The following COL26A1 variants were observed in gnomAD, a reference collection of about 807,000 sequenced individuals.
COL26A1 encodes the protein collagen alpha-1(XXVI) chain.
In COL26A1, 41 loss-of-function variants were observed where a neutral mutation model predicts 59.3. The ratio of observed to expected loss-of-function variants is 0.69; its 90% CI spans 0.54 to 0.90. The LOEUF is 0.90. COL26A1 is among the 40% of genes least tolerant of loss of function. COL26A1 has a pLI of 0.00. For missense variants in COL26A1, 612 were observed against 602.3 expected, an observed-to-expected ratio of 1.02 and a Z score of -0.17; for synonymous variants, 266 against 256.0, an observed-to-expected ratio of 1.04 and a Z score of -0.37.
At chr7:101,527,566 C>A (rs959447344) in intron 3 of COL26A1, among the ~76,000 whole-genome samples, 1 of 151,492 alleles carries the variant, frequency 6.6e-6, no homozygotes, top group African/African-American at 2.4e-5. Context: ...GATCTCTTAA[C>A]CTCGTGATCC....
At chr7:101,502,072 G>A (rs574185258) in intron 3 of COL26A1, among the ~76,000 whole-genome samples, 3 of 152,332 alleles carry the variant, frequency 2.0e-5, no homozygotes, top group Admixed American at 6.5e-5. Context: ...CTTGAAGGCC[G>A]GGTGCGGTGG....
intron 3 of COL26A1, among the ~76,000 whole-genome samples, chr7:101,463,051 C>T (rs1288336665): frequency 1.3e-5 from 2 of 152,208 alleles, no homozygotes; most frequent in African/African-American, 2.4e-5. Context: ...CAGAAGTGGG[C>T]TCATGAGAAC....
intron 1 of COL26A1, among the ~76,000 whole-genome samples, chr7:101,377,089 C>T (rs572662936): frequency 1.3e-5 from 2 of 152,282 alleles, no homozygotes; most frequent in South Asian, 2.1e-4. Context: ...AAACTCCTGA[C>T]CTCAGGTGAT....
At chr7:101,531,734 C>A (rs990078220) in intron 3 of COL26A1, among the ~76,000 whole-genome samples, 1 of 152,082 alleles carries the variant, frequency 6.6e-6, no homozygotes, top group Non-Finnish European at 1.5e-5. Context: ...CCCGTGGTTT[C>A]TCCCCAAACA....
intron 1 of COL26A1, among the ~76,000 whole-genome samples, chr7:101,372,087 G>A (rs549886349): frequency 2.4e-4 from 37 of 152,172 alleles, no homozygotes; most frequent in Non-Finnish European, 4.8e-4. Flanking sequence ...TGTGACCGTG[G>A]ACTGCATTCA....
At chr7:101,529,340 C>G (rs1795317395) in intron 3 of COL26A1, among the ~76,000 whole-genome samples, 1 of 151,950 alleles carries the variant, frequency 6.6e-6, no homozygotes, top group Non-Finnish European at 1.5e-5. Flanking sequence ...TTGATCTTGG[C>G]TCACTGCAGC....
chr7:101,363,061 C>T lies in COL26A1; in HGVS notation c.29C>T (p.Ala10Val). The T allele has an allele frequency of 6.3e-7, 1 of 1,582,208 alleles. No homozygotes were observed. Among genetic ancestry groups the T allele is most frequent in the South Asian group, 1.1e-5 (1 of 88,264 alleles). MKLALLLPW[A>V]CCCLCGSALA... ...AAGCTGGCCCTGCTCCTGCCCTGGG[C>T]GTGTTGCTGCCTCTGCGGGTCGGCG... Residue 10 changes from alanine to valine, a missense_variant, in exon 1 of 13, where the codon GCG becomes GTG. Transcript: ENST00000313669.
At chr7:101,537,383 G>A (rs777257053) in intron 4 of COL26A1, among the ~76,000 whole-genome samples, 1 of 152,218 alleles carries the variant, frequency 6.6e-6, no homozygotes, top group African/African-American at 2.4e-5. Flanking sequence ...GGTGCAGAGG[G>A]CAGTGTCCCG....
At chr7:101,467,684 G>A (rs1245219999) in intron 3 of COL26A1, among the ~76,000 whole-genome samples, 9 of 151,936 alleles carry the variant, frequency 5.9e-5, no homozygotes, top group Admixed American at 3.9e-4. Flanking sequence ...TGGCTAACAC[G>A]GTGAAACCCT....
chr7:101,451,169 ATG>A (rs199861513), intron 3 of COL26A1, among the ~76,000 whole-genome samples: 2,083 of 142,376 alleles, frequency 0.015, 62 homozygotes, highest in African/African-American at 0.051. Flanking sequence ...TGAGATATAT[ATG>A]TAATATATAT....
chr7:101,370,950 T>C (rs1349082014), intron 1 of COL26A1, among the ~76,000 whole-genome samples: 1 of 123,342 alleles, frequency 8.1e-6, no homozygotes, highest in African/African-American at 3.8e-5. Flanking sequence ...GTGGTTTTGG[T>C]TCTAGAACTC....
At chr7:101,529,962 G>A (rs921400487) in intron 3 of COL26A1, among the ~76,000 whole-genome samples, 2 of 152,140 alleles carry the variant, frequency 1.3e-5, no homozygotes, top group Admixed American at 6.6e-5. Flanking sequence ...GGTCTGTGCA[G>A]CCCTGACCCT....
intron 3 of COL26A1, among the ~76,000 whole-genome samples, chr7:101,513,225 C>T (rs1794962620): frequency 6.6e-6 from 1 of 152,022 alleles, no homozygotes; most frequent in Non-Finnish European, 1.5e-5. Flanking sequence ...CCAGGCTGGT[C>T]TCGAACTCCT....
intron 3 of COL26A1, among the ~76,000 whole-genome samples, chr7:101,451,166 T>A (rs1319084970): frequency 7.1e-6 from 1 of 141,820 alleles, no homozygotes; most frequent in Non-Finnish European, 1.5e-5. Context: ...CATTGAGATA[T>A]ATATGTAATA....
At chr7:101,496,607 G>C (rs1794590717) in intron 3 of COL26A1, among the ~76,000 whole-genome samples, 1 of 152,094 alleles carries the variant, frequency 6.6e-6, no homozygotes, top group African/African-American at 2.4e-5. Flanking sequence ...CCCAAGAGAG[G>C]GTTCTTGGAC....
At position 101,518,969 on chromosome 7, in the gene COL26A1, C is replaced by T. The variant is rs895887987; in HGVS notation, c.386-14113C>T. ...TTGATCCTGAAAGAGTCTCGTCCCT[C>T]TATACTCACACCTTCATTCTGGGGA... On this transcript the variant is annotated intron_variant, in intron 3 of 12. Transcript: ENST00000313669. Among the ~76,000 whole-genome samples, 5 of 152,330 alleles carry T rather than the reference C, an allele frequency of 3.3e-5. No homozygotes were observed. The East Asian group carries it at 9.6e-4, about 29-fold the overall frequency.
At chr7:101,427,143 C>T (rs556718159) in intron 2 of COL26A1, among the ~76,000 whole-genome samples, 10 of 152,334 alleles carry the variant, frequency 6.6e-5, no homozygotes, top group Admixed American at 3.9e-4. Flanking sequence ...ACTTTGGCCT[C>T]GAATGCCTGG....
At chr7:101,515,083 G>A (rs1443128027) in intron 3 of COL26A1, among the ~76,000 whole-genome samples, 1 of 152,188 alleles carries the variant, frequency 6.6e-6, no homozygotes, top group East Asian at 1.9e-4. Flanking sequence ...CCCTGCCCAC[G>A]GGGCAGGAGC....
chr7:101,443,895 CAG>C (rs1310718007), intron 2 of COL26A1, among the ~76,000 whole-genome samples: 4 of 134,462 alleles, frequency 3.0e-5, no homozygotes, highest in Non-Finnish European at 6.2e-5. Flanking sequence ...TTTTCAGAGA[CAG>C]GGTCTTGCTC....
Sources: allele counts gnomAD v4.1 joint callset (sites outside exome capture counted in the v4.1 genomes callset), GRCh38; gene constraint gnomAD v4.1.1; transcripts MANE v1.5; gene names NCBI Gene and HGNC (gene_info 2026-07-23, HGNC 2026-07-21).